LDAF1: variants seen among roughly 807,000 people sequenced by gnomAD.
LDAF1 encodes the protein PROMETHIN.
Under a neutral mutation model 13.5 loss-of-function variants are expected in LDAF1, and 7 were observed. The observed-to-expected ratio is 0.52, with a 90% confidence interval of 0.29 to 0.97. The LOEUF is 0.97. Among genes scored for constraint, LDAF1 ranks in the 50% least tolerant of loss-of-function variants. The pLI, the probability that LDAF1 is intolerant of heterozygous loss-of-function variation, is 0.07. For synonymous variants in LDAF1, 69 were observed against 77.1 expected (o/e 0.89, Z 0.55); for missense variants, 148 against 193.2 (o/e 0.77, Z 1.39).
chr16:21,162,846 G>A (rs1012203628), intron 2 of LDAF1, among the ~76,000 whole-genome samples: 3 of 152,146 alleles, frequency 2.0e-5, no homozygotes, highest in Non-Finnish European at 4.4e-5. Flanking sequence ...TGGTAGTTAC[G>A]TTCTATAAAG....
intron 2 of LDAF1, chr16:21,165,541 T>G (rs1159711021): frequency 2.1e-6 from 2 of 970,848 alleles, no homozygotes; most frequent in African/African-American, 3.5e-5. Flanking sequence ...GTCATTCCAC[T>G]TTCATACCCA....
chr16:21,175,494 C>T (rs1416005871), intron 4 of LDAF1, among the ~76,000 whole-genome samples: 1 of 152,154 alleles, frequency 6.6e-6, no homozygotes, highest in Non-Finnish European at 1.5e-5. Flanking sequence ...ATAGTCTCTA[C>T]TGGAATTTCT....
intron 2 of LDAF1, among the ~76,000 whole-genome samples, chr16:21,168,927 T>C (rs1461820674): frequency 7.4e-6 from 1 of 134,708 alleles, no homozygotes; most frequent in Non-Finnish European, 1.5e-5. Context: ...TATATTTATA[T>C]ATTTAAATAT....
At chr16:21,167,493 A>C (rs1415444823) in intron 2 of LDAF1, among the ~76,000 whole-genome samples, 1 of 152,212 alleles carries the variant, frequency 6.6e-6, no homozygotes, top group Non-Finnish European at 1.5e-5. Context: ...CTCTGCGTTA[A>C]AGCAGTCTCC....
intron 4 of LDAF1, among the ~76,000 whole-genome samples, chr16:21,174,862 A>C (rs934673397): frequency 7.9e-5 from 12 of 152,084 alleles, no homozygotes; most frequent in African/African-American, 2.9e-4. Context: ...GGAGCCGTGA[A>C]TCTTCTGTCC....
chr16:21,167,596 C>T (rs1013481522), intron 2 of LDAF1, among the ~76,000 whole-genome samples: 1 of 151,810 alleles, frequency 6.6e-6, no homozygotes, highest in Non-Finnish European at 1.5e-5. Flanking sequence ...CAGGCTGTGG[C>T]CAACTATGGT....
In LDAF1 at chr16:21,171,525, A is replaced by G. The variant is rs139779239; in HGVS notation, c.265+920A>G. On this transcript the variant is annotated intron_variant, in intron 3 of 4. Transcript: ENST00000233047. ...GATGGGTGAATGCATGAATGAATGG[A>G]TGGAGGAATGAATGAGTACCATAAG... 2.4e-4 allele frequency among the ~76,000 whole-genome samples: 36 copies of G among 152,264 alleles called. 1 individual carries two copies. The South Asian group carries it at 3.7e-3, about 16-fold the overall frequency.
intron 2 of LDAF1, chr16:21,165,525 T>G (rs886400091): frequency 1.1e-6 from 1 of 931,040 alleles, no homozygotes. Flanking sequence ...GTGTATTCCT[T>G]CTTTTGTCAT....
intron 4 of LDAF1, among the ~76,000 whole-genome samples, chr16:21,175,680 T>C (rs2093132470): frequency 6.6e-6 from 1 of 152,230 alleles, no homozygotes; most frequent in Non-Finnish European, 1.5e-5. Flanking sequence ...GGCCAACCAT[T>C]GCTCTATAAG....
At chr16:21,160,876 G>A (rs1235331050) in intron 1 of LDAF1, 1 of 392,116 alleles carries the variant, frequency 2.6e-6, no homozygotes, top group Non-Finnish European at 4.1e-6. Flanking sequence ...CAGCCTTTTA[G>A]TACATTTTGA....
At chr16:21,178,539 C>T in intron 4 of LDAF1, 1 of 286,386 alleles carries the variant, frequency 3.5e-6, no homozygotes, top group African/African-American at 2.3e-5. Flanking sequence ...GTGGTATCAA[C>T]ATACCAGGCA....
intron 2 of LDAF1, among the ~76,000 whole-genome samples, chr16:21,165,234 G>A (rs1338601714): frequency 6.6e-6 from 1 of 152,206 alleles, no homozygotes; most frequent in African/African-American, 2.4e-5. Context: ...GCCGAGGCGG[G>A]CAGATCACTT....
rs1346221074 is a variant in LDAF1, at chr16:21,180,015, T to A, written c.*459T>A. ...GAACAAGCCCTTCTGTGGTATTTGC[T>A]TTTTATCAGAAAGAACAGCAACATT... On this transcript the variant is annotated 3_prime_UTR_variant, in exon 5 of 5. Coordinates refer to ENST00000233047, the MANE Select transcript of LDAF1 (RefSeq NM_001301771.2). 1 of 155,996 alleles carries A rather than the reference T, an allele frequency of 6.4e-6. No individual in the cohort carries two copies. The highest frequency in any genetic ancestry group is 1.4e-5 in the Non-Finnish European group (1 of 70,288). The allele number at this position is 155,996 out of a possible 1,614,324, so 9.7% of individuals were successfully genotyped here.
rs2093168218 is a variant in LDAF1, at chr16:21,179,882, C to CCCATTGGGAG, written c.*328_*337dup. On this transcript the variant is annotated 3_prime_UTR_variant, in exon 5 of 5. Coordinates refer to ENST00000233047, the MANE Select transcript of LDAF1 (RefSeq NM_001301771.2). ...AGCCTCAGGGCTTATGTCCAACGGT[C>CCCATTGGGAG]CCATTGGGAGCAACAGTGATTGTTT... 4.6e-6 allele frequency: 1 copy of CCCATTGGGAG among 215,746 alleles called. No individual in the cohort carries two copies. Among genetic ancestry groups the CCCATTGGGAG allele is most frequent in the Non-Finnish European group, 9.2e-6 (1 of 108,398 alleles). 13.4% of individuals were successfully genotyped at this position (215,746 alleles called of 1,614,324 possible).
chr16:21,159,288 G>C, intron 1 of LDAF1: 21 of 1,560,014 alleles, frequency 1.3e-5, no homozygotes, highest in Non-Finnish European at 1.7e-5. Flanking sequence ...CCATTATTCA[G>C]TCTCTGTGCC....
intron 4 of LDAF1, 102 bp from the exon 5 acceptor site, chr16:21,179,373 A>G: frequency 2.5e-6 from 4 of 1,602,230 alleles, no homozygotes; most frequent in Non-Finnish European, 3.4e-6. Context: ...AGAAGCAGCT[A>G]AAAATCAGGA....
chr16:21,162,718 T>A (rs1328604087), intron 2 of LDAF1, among the ~76,000 whole-genome samples: 3 of 152,372 alleles, frequency 2.0e-5, no homozygotes, highest in South Asian at 2.1e-4. Context: ...ACCAAGCTAT[T>A]TTTAAATTGG....
intron 2 of LDAF1, chr16:21,165,653 A>G (rs2093016839): frequency 1.1e-5 from 10 of 940,254 alleles, no homozygotes; most frequent in Middle Eastern, 1.1e-3. Context: ...CCTCTTGCAC[A>G]TGATTGCTAG....
intron 2 of LDAF1, among the ~76,000 whole-genome samples, chr16:21,167,290 T>A (rs549033965): frequency 6.4e-4 from 97 of 152,382 alleles, no homozygotes; most frequent in African/African-American, 2.2e-3. Flanking sequence ...GAATTATGTC[T>A]TCTTTTCATC....
Sources: allele counts gnomAD v4.1 joint callset (sites outside exome capture counted in the v4.1 genomes callset), GRCh38; gene constraint gnomAD v4.1.1; transcripts MANE v1.5; gene names NCBI Gene and HGNC (gene_info 2026-07-23, HGNC 2026-07-21).